The following RFTN1 variants were observed in gnomAD, a reference collection of about 807,000 sequenced individuals.
RFTN1 encodes the protein raftlin.
In RFTN1, 26 loss-of-function variants were observed where a neutral mutation model predicts 46.5. The observed-to-expected ratio is 0.56, with a 90% CI of 0.41 to 0.78. The LOEUF is 0.78. Ranked by LOEUF, RFTN1 falls within the 30% of genes least tolerant of loss-of-function variation. The probability of loss-of-function intolerance (pLI) is 0.00; values close to 1 mark genes in which losing one functional copy is unlikely to be tolerated. For synonymous variants in RFTN1, 261 were observed against 284.2 expected, an observed-to-expected ratio of 0.92 and a Z score of 0.82; for missense variants, 693 against 718.7, an observed-to-expected ratio of 0.96 and a Z score of 0.41.
rs1385101097 is a variant in RFTN1, at chr3:16,344,677, G to GA, written c.1146+13254dup. On this transcript the variant is annotated intron_variant, in intron 7 of 9. Transcript: ENST00000334133. This position sits in a 1 kb window ranked among gnomAD's most constrained non-coding sequence, Gnocchi z 4.4. ...AGATGTGAAACAGGCCAAGGCACAG[G>GA]ATGGCATCAGAAAGCTCATGAAGAC... is the stretch of plus-strand genomic sequence containing the variant. Among the ~76,000 whole-genome samples the GA allele has an allele frequency of 6.6e-6, 1 of 152,202 alleles. No individual in the cohort carries two copies. Among genetic ancestry groups the GA allele is most frequent in the African/African-American group, 2.4e-5 (1 of 41,448 alleles).
chr3:16,401,442 T>C (rs1198297905), intron 4 of RFTN1, among the ~76,000 whole-genome samples: 1 of 152,094 alleles, frequency 6.6e-6, no homozygotes, highest in Non-Finnish European at 1.5e-5. Flanking sequence ...TGTTTTATAC[T>C]ATGACAACTG....
rs905074666 is a variant in RFTN1 at position 16,415,727 on chromosome 3, TGGAAGCAA to T, written c.333-6252_333-6245del. Among the ~76,000 whole-genome samples the T allele has an allele frequency of 7.0e-4, 107 of 152,158 alleles. 1 individual carries two copies. The highest frequency in any genetic ancestry group is 2.9e-3 in the Admixed American group (44 of 15,286). ...AACAAAGAGAACACGTTTGTTTTCC[TGGAAGCAA>T]GGAAGCAAGGAAGCAAGTCAAGGAG... On this transcript the variant is annotated intron_variant, in intron 3 of 9. Transcript: ENST00000334133.
intron 2 of RFTN1, among the ~76,000 whole-genome samples, chr3:16,439,818 T>A (rs572665659): frequency 6.6e-6 from 1 of 152,042 alleles, no homozygotes; most frequent in South Asian, 2.1e-4. Context: ...TGGGGGAGTG[T>A]GGGGAGCTTT....
rs1037950211 is a variant in RFTN1, at chr3:16,442,192, A to G, written c.146-8155T>C. Among the ~76,000 whole-genome samples, 3 of 152,222 alleles carry G rather than the reference A, an allele frequency of 2.0e-5. No individual in the cohort carries two copies. Among genetic ancestry groups the G allele is most frequent in the Non-Finnish European group, 4.4e-5 (3 of 68,040 alleles). ...CAGGCTCAGGAGACCACACCATTAA[A>G]ACACTATTTTTAAAATTTGAAGTGA... On this transcript the variant is annotated intron_variant, in intron 2 of 9. Coordinates refer to ENST00000334133, the MANE Select transcript of RFTN1 (RefSeq NM_015150.2). This position sits in a 1 kb window ranked among gnomAD's most constrained non-coding sequence, Gnocchi z 4.1.
intron 6 of RFTN1, among the ~76,000 whole-genome samples, chr3:16,364,381 C>A (rs560071829): frequency 6.6e-6 from 1 of 152,328 alleles, no homozygotes; most frequent in South Asian, 2.1e-4. Flanking sequence ...CAAGCCAGAT[C>A]TGAAATGTGA....
rs1430224775 is a variant in RFTN1, at chr3:16,346,702, GC to G, written c.1146+11229del. On this transcript the variant is annotated intron_variant, in intron 7 of 9. Transcript: ENST00000334133. This position sits in a 1 kb window ranked among gnomAD's most constrained non-coding sequence, Gnocchi z 4.4. ...ATCTCTGTTGTGGGTTTCTGGGAAAGCTTTTACTTGCTAATAAAAAGGGACG... is the reference window on the plus strand; with the variant it reads ...ATCTCTGTTGTGGGTTTCTGGGAAAGTTTTACTTGCTAATAAAAAGGGACG... 6.6e-6 allele frequency among the ~76,000 whole-genome samples: 1 copy of G among 152,186 alleles called. No homozygotes were observed. Among genetic ancestry groups the G allele is most frequent in the Non-Finnish European group, 1.5e-5 (1 of 68,030 alleles).
rs1215184989 is a variant in RFTN1, at chr3:16,381,697, G to T, written c.442-3595C>A. ...TGTAAAGGCAAGGAAGGATCATGAT[G>T]GGCAAAAGCGTGACAGTATGCAACA... On this transcript the variant is annotated intron_variant, in intron 4 of 9. Coordinates refer to ENST00000334133, the MANE Select transcript of RFTN1 (RefSeq NM_015150.2). The surrounding 1 kb of genome is among the most constrained non-coding windows in gnomAD (Gnocchi z 4.2). Among the ~76,000 whole-genome samples, 1 of 152,134 alleles carries T rather than the reference G, an allele frequency of 6.6e-6. No individual in the cohort carries two copies. The highest frequency in any genetic ancestry group is 1.5e-5 in the Non-Finnish European group (1 of 68,028).
intron 2 of RFTN1, chr3:16,482,983 C>CT (rs1247553607): frequency 1.6e-6 from 1 of 634,288 alleles, no homozygotes; most frequent in African/African-American, 1.8e-5. Flanking sequence ...AGCCTCCCTT[C>CT]TAGCCATCCA....
intron 9 of RFTN1, among the ~76,000 whole-genome samples, 190 bp downstream of exon 9, chr3:16,323,186 C>A (rs1275829681): frequency 6.6e-6 from 1 of 152,142 alleles, no homozygotes; most frequent in East Asian, 1.9e-4. Flanking sequence ...CAGACAAGGC[C>A]CTCCAGTCCC....
rs1304947994 is a variant in RFTN1 at position 16,352,166 on chromosome 3, G to T, written c.1146+5766C>A. Among the ~76,000 whole-genome samples, 2 of 152,226 alleles carry T rather than the reference G, an allele frequency of 1.3e-5. No homozygotes were observed. The highest frequency in any genetic ancestry group is 4.8e-5 in the African/African-American group (2 of 41,468). ...ACCAGCCACCATACCAATTGCATCA[G>T]CTGTAAGTGCTTTTTCTACTCTCTT... On this transcript the variant is annotated intron_variant, in intron 7 of 9. Coordinates refer to ENST00000334133, the MANE Select transcript of RFTN1 (RefSeq NM_015150.2). The surrounding 1 kb of genome is among the most constrained non-coding windows in gnomAD (Gnocchi z 4.6).
chr3:16,485,173 T>C (rs1341633728), intron 2 of RFTN1, among the ~76,000 whole-genome samples: 1 of 149,198 alleles, frequency 6.7e-6, no homozygotes, highest in African/African-American at 2.5e-5. Context: ...GATATTCAGC[T>C]TTTTTTTTTC....
intron 4 of RFTN1, among the ~76,000 whole-genome samples, chr3:16,396,357 T>C (rs1396349368): frequency 1.3e-5 from 2 of 152,222 alleles, no homozygotes; most frequent in Non-Finnish European, 2.9e-5. Context: ...AGCGTGATCC[T>C]AGCTCAGCTA....
chr3:16,507,118 T>C lies in RFTN1; in HGVS notation c.-9+6324A>G, dbSNP rs2076820134. Among the ~76,000 whole-genome samples, 1 of 152,146 alleles carries C rather than the reference T, an allele frequency of 6.6e-6. No individual in the cohort carries two copies. The highest frequency in any genetic ancestry group is 1.5e-5 in the Non-Finnish European group (1 of 68,032). On this transcript the variant is annotated intron_variant, in intron 1 of 9. Transcript: ENST00000334133. The surrounding 1 kb of genome is among the most constrained non-coding windows in gnomAD (Gnocchi z 7.1). ...AATGGGGACAACTGCAATATCTACT[T>C]CTAGGGTGAGGACTAAATAAGGTAG...
At chr3:16,501,923 C>G (rs1409872088) in intron 1 of RFTN1, among the ~76,000 whole-genome samples, 1 of 152,206 alleles carries the variant, frequency 6.6e-6, no homozygotes, top group African/African-American at 2.4e-5. Context: ...CTATATCAAA[C>G]TGTATTAACG....
At chr3:16,493,901 G>A (rs771714269) in intron 1 of RFTN1, 24 bp from the exon 2 acceptor site, 2 of 1,612,146 alleles carry the variant, frequency 1.2e-6, no homozygotes, top group Admixed American at 1.7e-5. Context: ...GAAAAAGGCG[G>A]GGAGGTGATT....
rs2069136943 is a variant in RFTN1, at chr3:16,322,173, C to T, written c.1332+1203G>A. ...ATCTTCCAGCTGGTGGCTGCCTGCT[C>T]CTGGTGGTTGATGGTGGGCTGGCAG... is the stretch of plus-strand genomic sequence containing the variant. On this transcript the variant is annotated intron_variant, in intron 9 of 9. Transcript: ENST00000334133. This position sits in a 1 kb window ranked among gnomAD's most constrained non-coding sequence, Gnocchi z 6.2. Among the ~76,000 whole-genome samples, 2 of 152,214 alleles carry T rather than the reference C, an allele frequency of 1.3e-5. No homozygotes were observed. Among genetic ancestry groups the T allele is most frequent in the South Asian group, 2.1e-4 (1 of 4,826 alleles).
intron 5 of RFTN1, among the ~76,000 whole-genome samples, chr3:16,371,496 A>G (rs2073498636): frequency 6.6e-6 from 1 of 152,256 alleles, no homozygotes; most frequent in Non-Finnish European, 1.5e-5. Context: ...GATGAAGCAC[A>G]TTAACACCAA....
chr3:16,386,486 T>C (rs1245050234), intron 4 of RFTN1, among the ~76,000 whole-genome samples: 1 of 152,176 alleles, frequency 6.6e-6, no homozygotes, highest in Admixed American at 6.5e-5. Context: ...AGACAACTAG[T>C]AAAGGGCAAG....
chr3:16,384,534 T>A lies in RFTN1; in HGVS notation c.442-6432A>T, dbSNP rs2074102400. ...TCACTGTTGCCCAGGTAAAGGAAAT[T>A]TCCCCCATTGTGCTTTGAGGAGAGC... On this transcript the variant is annotated intron_variant, in intron 4 of 9. Transcript: ENST00000334133. The surrounding 1 kb of genome is among the most constrained non-coding windows in gnomAD (Gnocchi z 4.7). 6.6e-6 allele frequency among the ~76,000 whole-genome samples: 1 copy of A among 152,162 alleles called. No individual in the cohort carries two copies. Among genetic ancestry groups the A allele is most frequent in the Non-Finnish European group, 1.5e-5 (1 of 68,028 alleles).
Sources: allele counts gnomAD v4.1 joint callset (sites outside exome capture counted in the v4.1 genomes callset), GRCh38; gene constraint gnomAD v4.1.1; non-coding constraint Gnocchi (gnomAD v3.1); transcripts MANE v1.5; gene names NCBI Gene and HGNC (gene_info 2026-07-23, HGNC 2026-07-21).